Variants in LSM14B observed in about 807,000 individuals in gnomAD.
LSM14B encodes LSM family member 14B.
Under a neutral mutation model 42.1 loss-of-function variants are expected in LSM14B, and 8 were observed. The ratio of observed to expected loss-of-function variants is 0.19; its 90% confidence interval spans 0.11 to 0.34. The LOEUF (loss-of-function observed/expected upper bound fraction) is 0.34, where lower values mean the gene tolerates loss of function less well. LSM14B is among the 10% of genes least tolerant of loss of function. The pLI is 1.00. For missense variants in LSM14B, 396 were observed against 513.1 expected (o/e 0.77, Z 2.21); for synonymous variants, 219 against 209.7 (o/e 1.04, Z -0.38).
intron 7 of LSM14B, 122 bp from the exon 8 acceptor site, chr20:62,133,168 C>G (rs1273571270): frequency 8.1e-7 from 1 of 1,239,362 alleles, no homozygotes; most frequent in Non-Finnish European, 1.1e-6. Flanking sequence ...ACGGGGCCGC[C>G]CCTTCCCTGT....
intron 8 of LSM14B, 66 bp downstream of exon 8, chr20:62,133,541 T>C: frequency 6.6e-7 from 1 of 1,525,502 alleles, no homozygotes; most frequent in Non-Finnish European, 8.8e-7. Context: ...CTGGAGAGCT[T>C]AGGAAGGTGG....
intron 3 of LSM14B, among the ~76,000 whole-genome samples, chr20:62,128,271 C>G (rs1360830967): frequency 6.6e-6 from 1 of 152,234 alleles, no homozygotes; most frequent in Non-Finnish European, 1.5e-5. Flanking sequence ...TCACGTTCTA[C>G]TCATTTCCCC....
rs185073187 is a variant in LSM14B at position 62,133,931 on chromosome 20, C to T, written c.*15-232C>T. On this transcript the variant is annotated intron_variant, in intron 8 of 8. Transcript: ENST00000279068. ...GGTGCCTGGTGCCAACCCCACCCAG[C>T]GCCTCGGGACAGCCAGGTGGGCCCT... 1.1e-4 allele frequency among the ~76,000 whole-genome samples: 17 copies of T among 152,348 alleles called. No homozygotes were observed. The South Asian group carries it at 2.9e-3, about 26-fold the overall frequency.
Position 62,134,428 on chromosome 20 carries a change from T to C in LSM14B, c.*280T>C, listed in dbSNP as rs2056852159. ...TAGCCTAATTCTAAGGTTTTGGTAT[T>C]TTGCAAAAAGGTTTCTATAGTGAAA... On this transcript the variant is annotated 3_prime_UTR_variant, in exon 9 of 9. Coordinates refer to ENST00000279068, the MANE Select transcript of LSM14B (RefSeq NM_144703.3). 3 of 359,676 alleles carry C rather than the reference T, an allele frequency of 8.3e-6. No homozygotes were observed. Among genetic ancestry groups the C allele is most frequent in the South Asian group, 6.3e-5 (3 of 47,442 alleles). 22.3% of individuals were successfully genotyped at this position (359,676 alleles called of 1,614,324 possible). A position where few individuals can be genotyped will look rare whatever the true frequency, so the allele number is the denominator to read the frequency against.
rs977573051 is a variant in LSM14B at position 62,135,044 on chromosome 20, C to T, written c.*896C>T. ...GGTCAGTTGACCAAGAGCATATTTC[C>T]CCTCTGTTGTACATCGTTGTTTTGT... On this transcript the variant is annotated 3_prime_UTR_variant, in exon 9 of 9. Transcript: ENST00000279068. 2.0e-5 allele frequency: 3 copies of T among 152,194 alleles called. No homozygotes were observed. The highest frequency in any genetic ancestry group is 2.0e-4 in the Admixed American group (3 of 15,278). The allele number at this position is 152,194 out of a possible 1,614,324, so 9.4% of individuals were successfully genotyped here.
chr20:62,132,142 G>A (rs1352789014), intron 7 of LSM14B, among the ~76,000 whole-genome samples: 2 of 152,218 alleles, frequency 1.3e-5, no homozygotes, highest in East Asian at 1.9e-4. Flanking sequence ...TTCATGTTCT[G>A]CCAGGGGAAA....
At chr20:62,129,764 C>T (rs756888926) in intron 3 of LSM14B, 21 bp from the exon 4 acceptor site, 23 of 1,593,740 alleles carry the variant, frequency 1.4e-5, no homozygotes, top group African/African-American at 2.7e-5. Context: ...TTTTTAAACC[C>T]TCCTCCCCTC....
chr20:62,125,022 A>G (rs1167385112), intron 2 of LSM14B, among the ~76,000 whole-genome samples: 1 of 152,142 alleles, frequency 6.6e-6, no homozygotes, highest in African/African-American at 2.4e-5. Flanking sequence ...CTGGGACTAC[A>G]GGGACGCACC....
chr20:62,124,905 A>G, intron 2 of LSM14B, 125 bp downstream of exon 2: 1 of 1,053,996 alleles, frequency 9.5e-7, no homozygotes, highest in Non-Finnish European at 1.3e-6. Context: ...TCTTTGAGGC[A>G]GCGTCTCGCT....
chr20:62,122,573 C>T lies in LSM14B; in HGVS notation c.-94C>T, dbSNP rs2056431959. Reference sequence around the variant, plus strand: ...GGAGGCGGCGGCGGGCGGAGGAGCGCAGGAGCGGGCGGCCAGGCCACCGCG... The same window carrying T: ...GGAGGCGGCGGCGGGCGGAGGAGCGTAGGAGCGGGCGGCCAGGCCACCGCG... On this transcript the variant is annotated 5_prime_UTR_variant, in exon 1 of 9. Transcript: ENST00000279068. The surrounding 1 kb of genome is among the most constrained non-coding windows in gnomAD (Gnocchi z 4.6). 6 of 907,134 alleles carry T rather than the reference C, an allele frequency of 6.6e-6. No homozygotes were observed. The highest frequency in any genetic ancestry group is 4.9e-5 in the South Asian group (1 of 20,464). 56.2% of individuals were successfully genotyped at this position (907,134 alleles called of 1,614,324 possible). A position where few individuals can be genotyped will look rare whatever the true frequency, so the allele number is the denominator to read the frequency against.
chr20:62,122,900 C>T lies in LSM14B; in HGVS notation c.127+107C>T, dbSNP rs534724127. ...GCCCCGGAGCCTGGCGCCCAGACCC[C>T]GCCCAGAACCCACCCAGGGCACACC... On this transcript the variant is annotated intron_variant, in intron 1 of 8. Transcript: ENST00000279068. This position sits in a 1 kb window ranked among gnomAD's most constrained non-coding sequence, Gnocchi z 4.6. The T allele has an allele frequency of 5.3e-3, 5,620 of 1,064,052 alleles. 19 individuals carry two copies. Among genetic ancestry groups the T allele is most frequent in the Non-Finnish European group, 6.0e-3 (5,029 of 834,298 alleles). The allele number at this position is 1,064,052 out of a possible 1,614,324, so 65.9% of individuals were successfully genotyped here.
Position 62,134,446 on chromosome 20 carries a change from T to C in LSM14B, c.*298T>C, listed in dbSNP as rs1239327016. 3.1e-6 allele frequency: 1 copy of C among 322,444 alleles called. No homozygotes were observed. The highest frequency in any genetic ancestry group is 2.3e-5 in the African/African-American group (1 of 43,602). 20.0% of individuals were successfully genotyped at this position (322,444 alleles called of 1,614,324 possible). A position where few individuals can be genotyped will look rare whatever the true frequency, so the allele number is the denominator to read the frequency against. ...TTGGTATTTTGCAAAAAGGTTTCTATAGTGAAAGCTGAATCCTTACTTTGT... is the reference window on the plus strand; with the variant it reads ...TTGGTATTTTGCAAAAAGGTTTCTACAGTGAAAGCTGAATCCTTACTTTGT... On this transcript the variant is annotated 3_prime_UTR_variant, in exon 9 of 9. Coordinates refer to ENST00000279068, the MANE Select transcript of LSM14B (RefSeq NM_144703.3).
chr20:62,129,603 C>T (rs1056357425), intron 3 of LSM14B, among the ~76,000 whole-genome samples, 182 bp from the exon 4 acceptor site: 1 of 152,170 alleles, frequency 6.6e-6, no homozygotes, highest in Non-Finnish European at 1.5e-5. Flanking sequence ...CCTTCTTTTG[C>T]TGCCTGGGCT....
intron 3 of LSM14B, among the ~76,000 whole-genome samples, chr20:62,126,998 A>G (rs1027873988): frequency 2.6e-5 from 4 of 152,196 alleles, no homozygotes; most frequent in Non-Finnish European, 4.4e-5. Flanking sequence ...CTCTGTCTCA[A>G]AAAATAAATA....
At position 62,128,497 on chromosome 20, in the gene LSM14B, T is replaced by C. The variant is rs1405424213; in HGVS notation, c.428-1288T>C. Among the ~76,000 whole-genome samples the C allele has an allele frequency of 5.5e-4, 83 of 152,218 alleles. 2 individuals are homozygous for C. The highest frequency in any genetic ancestry group is 5.3e-3 in the Admixed American group (81 of 15,278). On this transcript the variant is annotated intron_variant, in intron 3 of 8. Coordinates refer to ENST00000279068, the MANE Select transcript of LSM14B (RefSeq NM_144703.3). ...ATCTGAGTTACAGAGTAGTCTTTTT[T>C]TTTCCCCCACTTAAAAATGACACAG...
Position 62,124,738 on chromosome 20 carries a change from G to T in LSM14B, c.249G>T (p.Pro83=), listed in dbSNP as rs370570545. 4.3e-6 allele frequency: 7 copies of T among 1,613,582 alleles called. No individual in the cohort carries two copies. In the East Asian group the frequency reaches 1.6e-4, roughly 36 times the overall value. ...DIKDITVCEP[P]KAQHTLPQDP... Reference sequence around the variant, plus strand: ...AGGATATCACTGTGTGTGAACCTCCGAAAGCTCAGCACACACTCCCGCAGG... The same window carrying T: ...AGGATATCACTGTGTGTGAACCTCCTAAAGCTCAGCACACACTCCCGCAGG... Residue 83 remains proline (P), a synonymous_variant, in exon 2 of 9, where the codon CCG becomes CCT. Transcript: ENST00000279068.
At chr20:62,126,197 A>T (rs753558972) in intron 2 of LSM14B, 107 bp from the exon 3 acceptor site, 1 of 1,538,924 alleles carries the variant, frequency 6.5e-7, no homozygotes, top group East Asian at 2.3e-5. Flanking sequence ...TCAAGGGTGC[A>T]GGCTGATGGG....
chr20:62,122,615 C>T lies in LSM14B; in HGVS notation c.-52C>T. ...GCCACCGCGCGGCGGCGGAGCGGGC[C>T]GCGGCCCGGCGCTCCTTCCCCACCG... is the stretch of plus-strand genomic sequence containing the variant. On this transcript the variant is annotated 5_prime_UTR_variant, in exon 1 of 9. Coordinates refer to ENST00000279068, the MANE Select transcript of LSM14B (RefSeq NM_144703.3). The surrounding 1 kb of genome is among the most constrained non-coding windows in gnomAD (Gnocchi z 4.6). 1 of 1,119,636 alleles carries T rather than the reference C, an allele frequency of 8.9e-7. No homozygotes were observed. The highest frequency in any genetic ancestry group is 1.1e-6 in the Non-Finnish European group (1 of 905,016). 69.4% of individuals were successfully genotyped at this position (1,119,636 alleles called of 1,614,324 possible). A position where few individuals can be genotyped will look rare whatever the true frequency, so the allele number is the denominator to read the frequency against.
intron 2 of LSM14B, 100 bp downstream of exon 2, chr20:62,124,880 A>AT: frequency 1.8e-6 from 2 of 1,126,912 alleles, no homozygotes; most frequent in Non-Finnish European, 2.3e-6. Context: ...GTGAGGAATA[A>AT]CCTTTTTTTT....
Sources: gnomAD v4.1 joint callset for allele counts (sites outside exome capture counted in the v4.1 genomes callset) on GRCh38, gnomAD v4.1.1 for gene constraint, Gnocchi (gnomAD v3.1) non-coding constraint, MANE v1.5 for transcripts, NCBI Gene and HGNC (gene_info 2026-07-23, HGNC 2026-07-21) for gene names.